TSPAN11: variants seen among roughly 807,000 people sequenced by gnomAD.
TSPAN11 encodes the protein tetraspanin 11.
TSPAN11 carries 29 observed loss-of-function variants against 32.9 expected under a neutral mutation model. That is an observed-to-expected ratio of 0.88 (90% CI 0.66 to 1.20). TSPAN11 has a LOEUF of 1.20. Among genes scored for constraint, TSPAN11 ranks in the 50% most tolerant of loss-of-function variants. TSPAN11 has a pLI of 0.00. For missense variants in TSPAN11, 283 were observed against 329.1 expected, an observed-to-expected ratio of 0.86 and a Z score of 1.08; for synonymous variants, 140 against 141.3, an observed-to-expected ratio of 0.99 and a Z score of 0.07.
At chr12:30,978,697 G>A (rs1939025728) in intron 4 of TSPAN11, 62 bp downstream of exon 4, 1 of 1,571,522 alleles carries the variant, frequency 6.4e-7, no homozygotes, top group African/African-American at 1.3e-5. Context: ...ATGTGGGTAG[G>A]GAGGTTTGCA....
At chr12:30,946,027 C>T (rs965168409) in intron 1 of TSPAN11, among the ~76,000 whole-genome samples, 17 of 152,142 alleles carry the variant, frequency 1.1e-4, no homozygotes, top group Admixed American at 8.5e-4. Context: ...CCTTGTGCTC[C>T]GCCCCGCTCA....
At chr12:30,935,136 T>C (rs1442527973) in intron 1 of TSPAN11, among the ~76,000 whole-genome samples, 1 of 152,136 alleles carries the variant, frequency 6.6e-6, no homozygotes, top group African/African-American at 2.4e-5. Context: ...CGGTCTTCCC[T>C]GCGGAGAGGT....
downstream of TSPAN11, among the ~76,000 whole-genome samples, chr12:31,001,061 C>T (rs947192953): frequency 6.6e-6 from 1 of 152,220 alleles, no homozygotes; most frequent in African/African-American, 2.4e-5. Flanking sequence ...CCTCCCCTGT[C>T]CCTCTGACCA....
downstream of TSPAN11, among the ~76,000 whole-genome samples, chr12:31,001,018 T>A (rs1296607820): frequency 6.6e-6 from 1 of 152,164 alleles, no homozygotes; most frequent in Non-Finnish European, 1.5e-5. Flanking sequence ...CTCACCTAAA[T>A]CACTGCAGCG....
intron 1 of TSPAN11, among the ~76,000 whole-genome samples, chr12:30,943,635 TC>T (rs1287399532): frequency 6.6e-6 from 1 of 152,112 alleles, no homozygotes; most frequent in East Asian, 1.9e-4. Flanking sequence ...GACCTCCTGT[TC>T]CCCCACCCCA....
intron 1 of TSPAN11, among the ~76,000 whole-genome samples, chr12:30,948,282 C>T (rs971051072): frequency 3.3e-5 from 5 of 152,184 alleles, no homozygotes; most frequent in Admixed American, 6.5e-5. Context: ...GACAGTGGCC[C>T]CCTTCTCACA....
At chr12:31,003,162 G>T in the TSPAN11 span, among the ~76,000 whole-genome samples, 1 of 152,242 alleles carries the variant, frequency 6.6e-6, no homozygotes, top group Non-Finnish European at 1.5e-5. Context: ...CAGACAGTGA[G>T]GGAATTCACT....
intron 1 of TSPAN11, among the ~76,000 whole-genome samples, chr12:30,929,564 CTCTG>C (rs796783255): frequency 1.1e-4 from 16 of 152,268 alleles, no homozygotes; most frequent in African/African-American, 2.9e-4. Context: ...TCTAGGGTGA[CTCTG>C]TCTGTTATCG....
chr12:30,983,132 C>T lies in TSPAN11; in HGVS notation c.684C>T (p.Ile228=), dbSNP rs755845460. Residue 228 remains isoleucine (I), a synonymous_variant, in exon 7 of 8, where the codon ATC becomes ATT. Transcript: ENST00000546076. ...DHLLLMGAVG[I]GVACLQICGM... is the part of the protein sequence containing the mutation. ...TGCTGCTTATGGGGGCAGTGGGCAT[C>T]GGGGTGGCCTGCCTGCAGGTGAGTT... is the stretch of plus-strand genomic sequence containing the variant. The T allele has an allele frequency of 5.0e-5, 80 of 1,612,528 alleles. 1 individual carries two copies. The highest frequency in any genetic ancestry group is 6.7e-5 in the Non-Finnish European group (79 of 1,179,792).
At chr12:30,972,184 G>T (rs796316718) in intron 3 of TSPAN11, among the ~76,000 whole-genome samples, 4 of 152,294 alleles carry the variant, frequency 2.6e-5, no homozygotes, top group African/African-American at 9.6e-5. Flanking sequence ...TGGACCTGCA[G>T]GGGCAGACCA....
intron 1 of TSPAN11, among the ~76,000 whole-genome samples, chr12:30,940,510 C>T (rs1305663271): frequency 2.6e-5 from 4 of 152,068 alleles, no homozygotes; most frequent in African/African-American, 7.2e-5. Flanking sequence ...GGAGGGAATC[C>T]GACAGGTTTA....
At chr12:30,997,837 C>T (rs1016344566), downstream of TSPAN11, among the ~76,000 whole-genome samples, 1 of 152,202 alleles carries the variant, frequency 6.6e-6, no homozygotes, top group African/African-American at 2.4e-5. Flanking sequence ...CAATAGGGCC[C>T]TGCCACTTGC....
At chr12:31,011,328 T>C in the TSPAN11 span, among the ~76,000 whole-genome samples, 1 of 152,198 alleles carries the variant, frequency 6.6e-6, no homozygotes, top group African/African-American at 2.4e-5. Flanking sequence ...TCATGACTTA[T>C]GTAGTCCCCC....
chr12:30,951,966 G>T (rs1024854616), intron 1 of TSPAN11, among the ~76,000 whole-genome samples: 5 of 152,158 alleles, frequency 3.3e-5, no homozygotes, highest in African/African-American at 1.2e-4. Context: ...TGAGCCCAAA[G>T]GTTTCCCCTG....
At chr12:30,966,350 C>T (rs1189277374) in intron 3 of TSPAN11, among the ~76,000 whole-genome samples, 1 of 152,172 alleles carries the variant, frequency 6.6e-6, no homozygotes, top group African/African-American at 2.4e-5. Flanking sequence ...CACTGGTGCA[C>T]CTGGTCACCC....
At chr12:30,989,618 C>T (rs1939271062) in intron 7 of TSPAN11, among the ~76,000 whole-genome samples, 2 of 152,136 alleles carry the variant, frequency 1.3e-5, no homozygotes, top group South Asian at 4.2e-4. Context: ...CTGGTGCAGC[C>T]TCAAGTAGAA....
chr12:30,972,043 T>G (rs568189726), intron 3 of TSPAN11, among the ~76,000 whole-genome samples: 1 of 152,350 alleles, frequency 6.6e-6, no homozygotes, highest in Non-Finnish European at 1.5e-5. Context: ...CTGCTCCAGC[T>G]TGGCATATTT....
In TSPAN11 at chr12:30,992,218, G is replaced by A; in HGVS notation, c.*303G>A. On this transcript the variant is annotated 3_prime_UTR_variant, in exon 8 of 8. Transcript: ENST00000546076. Reference sequence around the variant, plus strand: ...ACGGGGGCACCCGTGGACTACGGGAGGGTGGCGGTTGGGTTCTCTGCTCCC... The same window carrying A: ...ACGGGGGCACCCGTGGACTACGGGAAGGTGGCGGTTGGGTTCTCTGCTCCC... 1 of 466,676 alleles carries A rather than the reference G, an allele frequency of 2.1e-6. No individual in the cohort carries two copies. Among genetic ancestry groups the A allele is most frequent in the Non-Finnish European group, 3.9e-6 (1 of 256,352 alleles). 28.9% of individuals were successfully genotyped at this position (466,676 alleles called of 1,614,324 possible). A position where few individuals can be genotyped will look rare whatever the true frequency, so the allele number is the denominator to read the frequency against.
downstream of TSPAN11, among the ~76,000 whole-genome samples, chr12:31,000,958 C>A (rs2140321387): frequency 6.6e-6 from 1 of 152,336 alleles, no homozygotes; most frequent in Admixed American, 6.5e-5. Flanking sequence ...TCTCTCAGAT[C>A]TGCTGGCTTT....
Sources: gnomAD v4.1 joint callset for allele counts (sites outside exome capture counted in the v4.1 genomes callset) on GRCh38, gnomAD v4.1.1 for gene constraint, MANE v1.5 for transcripts, NCBI Gene and HGNC (gene_info 2026-07-23, HGNC 2026-07-21) for gene names.